Variants in FRYL observed in about 807,000 individuals in gnomAD.
The protein encoded by FRYL is FRY like transcription coactivator, also known as protein furry homolog-like.
Under a neutral mutation model 351.2 loss-of-function variants are expected in FRYL, and 150 were observed. The observed-to-expected ratio is 0.43, with a 90% CI of 0.37 to 0.49. FRYL has a LOEUF of 0.49. FRYL is among the 20% of genes least tolerant of loss of function. The pLI is 0.00. For missense variants in FRYL, 3,036 were observed against 3,619.3 expected, an observed-to-expected ratio of 0.84 and a Z score of 4.13; for synonymous variants, 1,153 against 1,257.1, an observed-to-expected ratio of 0.92 and a Z score of 1.75.
chr4:48,565,393 C>T (rs1736552252), intron 29 of FRYL, 138 bp downstream of exon 29: 1 of 541,042 alleles, frequency 1.8e-6, no homozygotes. Context: ...TTAAATATAA[C>T]TTATGGTATA....
intron 3 of FRYL, among the ~76,000 whole-genome samples, chr4:48,676,069 C>T (rs991724710): frequency 1.8e-4 from 27 of 152,054 alleles, no homozygotes; most frequent in Admixed American, 1.0e-3. Context: ...GGATTGTAAA[C>T]GCACCAATCA....
chr4:48,610,646 T>C (rs921422796), intron 7 of FRYL, among the ~76,000 whole-genome samples: 7 of 147,210 alleles, frequency 4.8e-5, no homozygotes, highest in Non-Finnish European at 8.9e-5. Context: ...ATATAGTATA[T>C]ATGTATATAT....
chr4:48,581,585 A>C lies in FRYL; in HGVS notation c.2007T>G (p.Ala669=). 1 of 1,608,556 alleles carries C rather than the reference A, an allele frequency of 6.2e-7. No individual in the cohort carries two copies. Residue 669 remains alanine, a synonymous_variant, in exon 21 of 64, where the codon GCT becomes GCG. Transcript: ENST00000358350. ...QDTQHGVANG[A]SHPPPLERSP... ...TCCTTTCCAGAGGAGGGGGATGAGA[A>C]GCTCCATTAGCTACACCATGCTTGA...
intron 2 of FRYL, among the ~76,000 whole-genome samples, chr4:48,710,311 A>C (rs186822102): frequency 1.3e-5 from 2 of 152,360 alleles, no homozygotes; most frequent in East Asian, 3.9e-4. Context: ...GCACAGGCAT[A>C]GTTGTTCACA....
intron 18 of FRYL, among the ~76,000 whole-genome samples, chr4:48,587,540 T>A (rs1742357538): frequency 6.6e-6 from 1 of 151,954 alleles, no homozygotes; most frequent in Non-Finnish European, 1.5e-5. Flanking sequence ...GGGTTTTATT[T>A]TTATTTTTTA....
intron 1 of FRYL, among the ~76,000 whole-genome samples, chr4:48,768,955 G>A (rs1313058887): frequency 6.6e-6 from 1 of 151,934 alleles, no homozygotes; most frequent in Non-Finnish European, 1.5e-5. Context: ...ACACAGCGAC[G>A]CCCTGTCTTT....
intron 7 of FRYL, among the ~76,000 whole-genome samples, chr4:48,614,896 G>A (rs1459908674): frequency 1.2e-4 from 15 of 122,288 alleles, no homozygotes; most frequent in African/African-American, 2.2e-4. Flanking sequence ...GCGCGATCTC[G>A]GCTCACTGCA....
At chr4:48,773,849 GGA>G (rs1775755441) in intron 1 of FRYL, among the ~76,000 whole-genome samples, 1 of 152,128 alleles carries the variant, frequency 6.6e-6, no homozygotes, top group African/African-American at 2.4e-5. Context: ...CCCAGCTGGT[GGA>G]GGCTACAGTG....
intron 19 of FRYL, among the ~76,000 whole-genome samples, chr4:48,585,312 T>G (rs1021634352): frequency 6.6e-6 from 1 of 152,222 alleles, no homozygotes; most frequent in Admixed American, 6.5e-5. Flanking sequence ...AACCCCTTTC[T>G]TTCACAATCA....
At position 48,498,931 on chromosome 4, in the gene FRYL, GCTGA is replaced by G. The variant is rs1560489013; in HGVS notation, c.*487_*490del. On this transcript the variant is annotated 3_prime_UTR_variant, in exon 64 of 64. Coordinates refer to ENST00000358350, the MANE Select transcript of FRYL (RefSeq NM_015030.2). ...TTGCAAACGAGTCTTGATGCGTATA[GCTGA>G]CTGCATGTTCATGTGGATGGATGAT... 5.8e-6 allele frequency: 1 copy of G among 173,122 alleles called. No homozygotes were observed. Among genetic ancestry groups the G allele is most frequent in the African/African-American group, 2.4e-5 (1 of 41,560 alleles). The allele number at this position is 173,122 out of a possible 1,614,324, so 10.7% of individuals were successfully genotyped here.
chr4:48,558,226 T>C (rs1351764713), intron 33 of FRYL, among the ~76,000 whole-genome samples: 1 of 152,224 alleles, frequency 6.6e-6, no homozygotes, highest in Non-Finnish European at 1.5e-5. Flanking sequence ...TGGAATATTA[T>C]GCACCCTTAA....
chr4:48,760,968 G>A lies in FRYL; in HGVS notation c.-384+19110C>T, dbSNP rs187900774. On this transcript the variant is annotated intron_variant, in intron 1 of 63. Coordinates refer to ENST00000358350, the MANE Select transcript of FRYL (RefSeq NM_015030.2). ...GCTGCGATTACAGGCATGAGCCACC[G>A]CCCCCGGCCACCCTCGCTACTCTCT... Among the ~76,000 whole-genome samples the A allele has an allele frequency of 4.6e-3, 694 of 150,738 alleles. 6 individuals carry two copies. The highest frequency in any genetic ancestry group is 6.5e-3 in the Admixed American group (98 of 15,052).
intron 1 of FRYL, among the ~76,000 whole-genome samples, chr4:48,728,294 T>C (rs1437663614): frequency 6.6e-6 from 1 of 151,742 alleles, no homozygotes; most frequent in Non-Finnish European, 1.5e-5. Context: ...AGATTGAAGA[T>C]ATCTCAATAA....
intron 1 of FRYL, among the ~76,000 whole-genome samples, chr4:48,734,173 C>G (rs1771031832): frequency 6.6e-6 from 1 of 151,918 alleles, no homozygotes; most frequent in African/African-American, 2.4e-5. Context: ...AACTCACTTT[C>G]AATATAAAGA....
At chr4:48,761,918 G>A (rs1030500781) in intron 1 of FRYL, among the ~76,000 whole-genome samples, 7 of 152,132 alleles carry the variant, frequency 4.6e-5, no homozygotes, top group African/African-American at 1.2e-4. Context: ...ATTGTTAGGC[G>A]TATGGCTACA....
chr4:48,584,219 G>C (rs1432429561), intron 19 of FRYL, among the ~76,000 whole-genome samples: 1 of 152,186 alleles, frequency 6.6e-6, no homozygotes, highest in Admixed American at 6.5e-5. Flanking sequence ...AAATGTATCA[G>C]AGTTAGAAAT....
intron 2 of FRYL, among the ~76,000 whole-genome samples, chr4:48,701,512 G>A (rs1766712198): frequency 6.6e-6 from 1 of 152,146 alleles, no homozygotes; most frequent in Non-Finnish European, 1.5e-5. Context: ...GAGACAGAAG[G>A]AAACCTGTAA....
chr4:48,550,080 C>G (rs979308454), intron 38 of FRYL, among the ~76,000 whole-genome samples: 1 of 152,172 alleles, frequency 6.6e-6, no homozygotes, highest in African/African-American at 2.4e-5. Context: ...TTCTGTGTGA[C>G]GTGGGTAAGT....
chr4:48,766,004 A>G (rs1774900627), intron 1 of FRYL, among the ~76,000 whole-genome samples: 1 of 152,214 alleles, frequency 6.6e-6, no homozygotes, highest in South Asian at 2.1e-4. Context: ...GGATGTGGAG[A>G]AAAGGGAATG....
Sources: gnomAD v4.1 joint callset for allele counts (sites outside exome capture counted in the v4.1 genomes callset) on GRCh38, gnomAD v4.1.1 for gene constraint, MANE v1.5 for transcripts, NCBI Gene and HGNC (gene_info 2026-07-23, HGNC 2026-07-21) for gene names.